GABRB1: variants seen among roughly 807,000 people sequenced by gnomAD.
GABRB1 encodes the protein gamma-aminobutyric acid receptor subunit beta-1.
Under a neutral mutation model 51.6 loss-of-function variants are expected in GABRB1, and 17 were observed. The observed-to-expected ratio is 0.33, with a 90% CI of 0.23 to 0.49. The LOEUF (loss-of-function observed/expected upper bound fraction) is 0.49, where lower values mean the gene tolerates loss of function less well. GABRB1 is among the 20% of genes least tolerant of loss of function. GABRB1 has a pLI of 0.99. For missense variants in GABRB1, 410 were observed against 600.6 expected, an observed-to-expected ratio of 0.68 and a Z score of 3.32; for synonymous variants, 247 against 218.9, an observed-to-expected ratio of 1.13 and a Z score of -1.14.
intron 3 of GABRB1, among the ~76,000 whole-genome samples, chr4:47,141,198 AAG>A (rs1363379660): frequency 6.6e-6 from 1 of 151,910 alleles, no homozygotes; most frequent in Non-Finnish European, 1.5e-5. Context: ...TGCTTCAGGA[AAG>A]AGGTAAAATC....
intron 4 of GABRB1, among the ~76,000 whole-genome samples, chr4:47,219,526 G>C (rs1366752067): frequency 6.6e-6 from 1 of 151,726 alleles, no homozygotes; most frequent in African/African-American, 2.4e-5. Context: ...TATTACATTT[G>C]GGCCATTGTA....
intron 3 of GABRB1, among the ~76,000 whole-genome samples, chr4:47,131,723 G>C (rs1667707771): frequency 6.6e-6 from 1 of 152,036 alleles, no homozygotes; most frequent in Admixed American, 6.6e-5. Flanking sequence ...GGGGTATTAG[G>C]GCCCAGTTTA....
At chr4:47,061,035 T>TA (rs1726827135) in intron 3 of GABRB1, among the ~76,000 whole-genome samples, 1 of 152,182 alleles carries the variant, frequency 6.6e-6, no homozygotes, top group African/African-American at 2.4e-5. Context: ...ACAAAGTTAC[T>TA]AAAAAATAAC....
At chr4:47,232,702 A>G (rs1396038077) in intron 4 of GABRB1, among the ~76,000 whole-genome samples, 6 of 152,144 alleles carry the variant, frequency 3.9e-5, no homozygotes, top group Non-Finnish European at 8.8e-5. Flanking sequence ...ATCCACATCA[A>G]TTCTGCCTTT....
chr4:47,026,151 AAAATAAAT>A (rs577516962), intron 1 of GABRB1, among the ~76,000 whole-genome samples: 16 of 152,108 alleles, frequency 1.1e-4, no homozygotes, highest in African/African-American at 3.4e-4. Flanking sequence ...CCTTAGTGTA[AAAATAAAT>A]AAATAAATAA....
chr4:47,244,138 T>C (rs1449598564), intron 4 of GABRB1, among the ~76,000 whole-genome samples: 2 of 152,228 alleles, frequency 1.3e-5, no homozygotes, highest in African/African-American at 2.4e-5. Context: ...TCTATTGAGA[T>C]AATTATGTGG....
chr4:47,190,444 G>A (rs765434258), intron 4 of GABRB1, among the ~76,000 whole-genome samples: 3 of 151,968 alleles, frequency 2.0e-5, no homozygotes, highest in Non-Finnish European at 4.4e-5. Flanking sequence ...ATGTGCTAAC[G>A]GCTTTATGCA....
chr4:47,191,524 A>G (rs1364846856), intron 4 of GABRB1, among the ~76,000 whole-genome samples: 1 of 152,204 alleles, frequency 6.6e-6, no homozygotes, highest in Non-Finnish European at 1.5e-5. Context: ...ACAAATATTT[A>G]TTAAAGGTAT....
In GABRB1 at chr4:47,031,680, T is replaced by C; in HGVS notation, c.29T>C (p.Leu10Pro). The change falls in exon 1 of 9, where the codon CTG (leucine) becomes CCG (proline). Residue 10 changes from leucine (L) to proline (P), a missense_variant. Around this residue, in one of 5 missense-constraint regions of GABRB1, gnomAD observed 56 missense variants for 54.8 expected, o/e 1.02. Coordinates refer to ENST00000295454, the MANE Select transcript of GABRB1 (RefSeq NM_000812.4). MWTVQNRES[L>P]GLLSFPVMIT... ...TGGACAGTACAAAATCGAGAGAGTC[T>C]GGGGCTTCTCTCTTTCCCTGTGATG... 1 of 1,613,802 alleles carries C rather than the reference T, an allele frequency of 6.2e-7. No homozygotes were observed. Among genetic ancestry groups the C allele is most frequent in the Middle Eastern group, 1.6e-4 (1 of 6,062 alleles).
chr4:47,287,432 C>G (rs1376649699), intron 4 of GABRB1, among the ~76,000 whole-genome samples: 1 of 152,172 alleles, frequency 6.6e-6, no homozygotes, highest in Non-Finnish European at 1.5e-5. Context: ...CATATTTCTG[C>G]AAATGTTTTC....
At chr4:47,318,333 G>A (rs1724959353) in intron 4 of GABRB1, among the ~76,000 whole-genome samples, 1 of 151,976 alleles carries the variant, frequency 6.6e-6, no homozygotes, top group African/African-American at 2.4e-5. Flanking sequence ...TATCACCTTA[G>A]CAATGTCTGT....
intron 5 of GABRB1, among the ~76,000 whole-genome samples, chr4:47,370,992 T>C (rs1432893126): frequency 1.4e-5 from 2 of 145,652 alleles, no homozygotes; most frequent in Non-Finnish European, 2.9e-5. Flanking sequence ...GTTACATAGG[T>C]AAATATATGC....
chr4:47,175,242 G>A (rs550499275), intron 4 of GABRB1, among the ~76,000 whole-genome samples: 21 of 140,932 alleles, frequency 1.5e-4, no homozygotes, highest in African/African-American at 5.3e-4. Flanking sequence ...CTTTCTAATA[G>A]AAATGAGGTC....
intron 3 of GABRB1, among the ~76,000 whole-genome samples, chr4:47,121,900 A>T (rs1243378664): frequency 2.0e-5 from 3 of 152,212 alleles, no homozygotes; most frequent in Non-Finnish European, 4.4e-5. Context: ...CAATGCATTT[A>T]ATTTCTTAAA....
rs1717952294 is a variant in GABRB1, at chr4:47,161,443, T to C, written c.435T>C (p.Pro145=). 1 of 1,612,178 alleles carries C rather than the reference T, an allele frequency of 6.2e-7. No individual in the cohort carries two copies. Among genetic ancestry groups the C allele is most frequent in the South Asian group, 1.1e-5 (1 of 91,058 alleles). Residue 145 remains proline, a synonymous_variant, in exon 4 of 9, where the codon CCT becomes CCC. Coordinates refer to ENST00000295454, the MANE Select transcript of GABRB1 (RefSeq NM_000812.4). ...AAAATCGAATGATTCGACTGCATCC[T>C]GATGGAACAGTTCTCTATGGACTCC... ...TVKNRMIRLH[P]DGTVLYGLRI...
intron 8 of GABRB1, among the ~76,000 whole-genome samples, chr4:47,413,070 G>C (rs1051686665): frequency 6.6e-6 from 1 of 152,154 alleles, no homozygotes; most frequent in Admixed American, 6.6e-5. Flanking sequence ...CTTTTCTACT[G>C]GCACAGCTGC....
At chr4:47,299,966 C>T (rs1560322226) in intron 4 of GABRB1, among the ~76,000 whole-genome samples, 1 of 151,610 alleles carries the variant, frequency 6.6e-6, no homozygotes, top group Non-Finnish European at 1.5e-5. Flanking sequence ...TGGAACTCAT[C>T]ATTCTCAGTA....
At chr4:47,353,529 C>A (rs755049254) in intron 5 of GABRB1, among the ~76,000 whole-genome samples, 27 of 152,138 alleles carry the variant, frequency 1.8e-4, no homozygotes, top group Non-Finnish European at 3.8e-4. Context: ...CTCTTCCCAC[C>A]TTTATAGGCG....
intron 4 of GABRB1, among the ~76,000 whole-genome samples, chr4:47,259,029 T>C (rs766765886): frequency 6.6e-6 from 1 of 152,146 alleles, no homozygotes. Context: ...CATATGCAGT[T>C]GTCTTAAGTA....
Sources: gnomAD v4.1 joint callset for allele counts (sites outside exome capture counted in the v4.1 genomes callset) on GRCh38, gnomAD v4.1.1 for gene constraint, gnomAD v4.1.1 regional missense constraint, MANE v1.5 for transcripts, NCBI Gene and HGNC (gene_info 2026-07-23, HGNC 2026-07-21) for gene names.